SYNPO2: variants seen among roughly 807,000 people sequenced by gnomAD.
The protein encoded by SYNPO2 is synaptopodin 2, also known as synaptopodin-2.
In SYNPO2, 56 loss-of-function variants were observed where a neutral mutation model predicts 85.0. The ratio of observed to expected loss-of-function variants is 0.66; its 90% CI spans 0.53 to 0.82. SYNPO2 has a LOEUF of 0.82. Ranked by LOEUF, SYNPO2 falls within the 40% of genes least tolerant of loss-of-function variation. The pLI is 0.00. For synonymous variants in SYNPO2, 602 were observed against 591.1 expected, an observed-to-expected ratio of 1.02 and a Z score of -0.27; for missense variants, 1,575 against 1,534.2, an observed-to-expected ratio of 1.03 and a Z score of -0.44.
rs564551930 is a variant in SYNPO2, at chr4:118,998,725, T to C, written c.106-24705T>C. The stretch of plus-strand genomic sequence containing the variant: ...TCTCAGTTGTTCTGTCTGTGAAAAA[T>C]AGAGGGTAGGTGTTTTAATGTTTTC... On this transcript the variant is annotated intron_variant, in intron 1 of 4. Transcript: ENST00000307142. Among the ~76,000 whole-genome samples, 6 of 152,244 alleles carry C rather than the reference T, an allele frequency of 3.9e-5. No homozygotes were observed. In the East Asian group the frequency reaches 1.2e-3, roughly 29 times the overall value.
chr4:119,030,282 G>T lies in SYNPO2; in HGVS notation c.1507G>T (p.Asp503Tyr). 1 of 1,613,986 alleles carries T rather than the reference G, an allele frequency of 6.2e-7. No individual in the cohort carries two copies. Among genetic ancestry groups the T allele is most frequent in the South Asian group, 1.1e-5 (1 of 91,070 alleles). ...GTTTGCCAAGAGGAGGGAGAGAATG[G>T]ATCAGATCACAGCCCAAAAAGAAGA... ...LMFAKRRERM[D>Y]QITAQKEEDK... The change falls in exon 4 of 5, where the codon GAT becomes TAT. Residue 503 changes from aspartate (D) to tyrosine (Y), a missense_variant. This residue lies in a region of SYNPO2 where 1,508 missense variants were observed against 1,446.8 expected (regional missense o/e 1.04). Transcript: ENST00000307142.
At chr4:119,014,153 T>A (rs1260121779) in intron 1 of SYNPO2, among the ~76,000 whole-genome samples, 1 of 152,220 alleles carries the variant, frequency 6.6e-6, no homozygotes, top group Non-Finnish European at 1.5e-5. Flanking sequence ...CCAGACACGG[T>A]GGCTCACACC....
At chr4:118,852,173 G>T (rs1009591375) in intron 1 of SYNPO2, among the ~76,000 whole-genome samples, 1 of 152,170 alleles carries the variant, frequency 6.6e-6, no homozygotes, top group Non-Finnish European at 1.5e-5. Context: ...ACAATGAGCT[G>T]CCATCTCACA....
chr4:119,044,320 G>A (rs1738811748), intron 4 of SYNPO2, among the ~76,000 whole-genome samples: 1 of 152,062 alleles, frequency 6.6e-6, no homozygotes, highest in South Asian at 2.1e-4. Context: ...ATAGTTTATG[G>A]CATCTCCATG....
chr4:119,009,053 A>C (rs1737189791), intron 1 of SYNPO2, among the ~76,000 whole-genome samples: 1 of 152,242 alleles, frequency 6.6e-6, no homozygotes, highest in African/African-American at 2.4e-5. Flanking sequence ...GATCAGGTAG[A>C]GAATTAATAA....
At chr4:118,952,021 C>T (rs1734717308) in intron 1 of SYNPO2, among the ~76,000 whole-genome samples, 1 of 152,184 alleles carries the variant, frequency 6.6e-6, no homozygotes, top group South Asian at 2.1e-4. Flanking sequence ...GCTAGGCTTT[C>T]TCAGTCCCTT....
chr4:118,959,791 T>C (rs541176216), intron 1 of SYNPO2, among the ~76,000 whole-genome samples: 2 of 102,384 alleles, frequency 2.0e-5, no homozygotes, highest in South Asian at 6.9e-4. Flanking sequence ...TCTCCGAGGC[T>C]CTATCCTTTG....
chr4:118,951,055 T>C (rs1209611245), intron 1 of SYNPO2, among the ~76,000 whole-genome samples: 3 of 152,228 alleles, frequency 2.0e-5, no homozygotes, highest in Non-Finnish European at 2.9e-5. Flanking sequence ...CAGGATTTTA[T>C]TGACATTGTG....
Position 119,030,993 on chromosome 4 carries a change from G to A in SYNPO2, c.2218G>A (p.Ala740Thr). ...GPEEDYLSLG[A>T]EACNFMQSSS... Reference sequence around the variant, plus strand: ...GGAAGAAGACTACCTCAGCTTGGGGGCAGAGGCTTGTAATTTCATGCAAAG... The same window carrying A: ...GGAAGAAGACTACCTCAGCTTGGGGACAGAGGCTTGTAATTTCATGCAAAG... The change falls in exon 4 of 5, where the codon GCA becomes ACA. Residue 740 changes from alanine to threonine, a missense_variant. This residue lies in a region of SYNPO2 where 1,508 missense variants were observed against 1,446.8 expected (regional missense o/e 1.04). Transcript: ENST00000307142. 3.7e-6 allele frequency: 6 copies of A among 1,614,092 alleles called. No homozygotes were observed. The highest frequency in any genetic ancestry group is 1.3e-5 in the African/African-American group (1 of 75,004).
chr4:119,018,627 T>C (rs776710060), intron 1 of SYNPO2, among the ~76,000 whole-genome samples: 1 of 151,988 alleles, frequency 6.6e-6, no homozygotes, highest in Non-Finnish European at 1.5e-5. Context: ...TGATAAAAGA[T>C]AGAGAGTAGA....
intron 1 of SYNPO2, among the ~76,000 whole-genome samples, chr4:118,852,783 G>A (rs1036858423): frequency 3.3e-5 from 5 of 152,060 alleles, no homozygotes; most frequent in South Asian, 2.1e-4. Context: ...GCTTAATACC[G>A]GAGTGACAAA....
intron 1 of SYNPO2, among the ~76,000 whole-genome samples, chr4:118,933,829 G>GTTTTTTTTTTTTTTTTTTTT (rs71595334): frequency 2.0e-5 from 2 of 102,318 alleles, no homozygotes; most frequent in African/African-American, 3.4e-5. Context: ...TGTTGTTGTT[G>GTTTTTTTTTTTTTTTTTTTT]TTTTTTTTTT....
At chr4:118,879,035 A>G (rs190300360) in intron 1 of SYNPO2, among the ~76,000 whole-genome samples, 83 of 152,262 alleles carry the variant, frequency 5.5e-4, no homozygotes, top group Middle Eastern at 3.4e-3. Flanking sequence ...AGGAATGAAC[A>G]ACTCCGGAGG....
chr4:118,919,929 G>A (rs1419772144), intron 1 of SYNPO2, among the ~76,000 whole-genome samples: 2 of 152,164 alleles, frequency 1.3e-5, no homozygotes, highest in African/African-American at 2.4e-5. Flanking sequence ...GTTTGATAAT[G>A]GCAATGGGAA....
chr4:118,868,057 A>C (rs1244892007), intron 1 of SYNPO2, among the ~76,000 whole-genome samples: 1 of 151,804 alleles, frequency 6.6e-6, no homozygotes, highest in Admixed American at 6.6e-5. Flanking sequence ...TTAAAAAAAA[A>C]AAAAAAACTA....
At chr4:118,958,772 G>A (rs1024334806) in intron 1 of SYNPO2, among the ~76,000 whole-genome samples, 2 of 152,184 alleles carry the variant, frequency 1.3e-5, no homozygotes, top group East Asian at 3.9e-4. Flanking sequence ...AGGTGACTTG[G>A]TTAGGAGAAA....
chr4:119,009,929 T>C (rs1737227831), intron 1 of SYNPO2, among the ~76,000 whole-genome samples: 1 of 152,226 alleles, frequency 6.6e-6, no homozygotes, highest in African/African-American at 2.4e-5. Context: ...TCTGTGCTTC[T>C]CACAAGCCTC....
chr4:118,953,621 A>G (rs1366982852), intron 1 of SYNPO2, among the ~76,000 whole-genome samples: 1 of 152,140 alleles, frequency 6.6e-6, no homozygotes, highest in East Asian at 1.9e-4. Context: ...TGATAATTAA[A>G]AATTACTCAG....
intron 1 of SYNPO2, among the ~76,000 whole-genome samples, chr4:118,988,004 C>T (rs1194456471): frequency 6.6e-6 from 1 of 151,978 alleles, no homozygotes; most frequent in African/African-American, 2.4e-5. Flanking sequence ...ATTATTTTTC[C>T]CAAAGCCACA....
Sources: allele counts gnomAD v4.1 joint callset (sites outside exome capture counted in the v4.1 genomes callset), GRCh38; gene constraint gnomAD v4.1.1; regional missense constraint gnomAD v4.1.1; transcripts MANE v1.5; gene names NCBI Gene and HGNC (gene_info 2026-07-23, HGNC 2026-07-21).